The following EXOC6B variants were observed in gnomAD, a reference collection of about 807,000 sequenced individuals.
EXOC6B encodes SEC15 homolog B.
In EXOC6B, 54 loss-of-function variants were observed where a neutral mutation model predicts 113.5. The observed-to-expected ratio is 0.48, with a 90% CI of 0.38 to 0.60. EXOC6B has a LOEUF of 0.60. Among genes scored for constraint, EXOC6B ranks in the 20% least tolerant of loss-of-function variants. The probability of loss-of-function intolerance (pLI) is 0.00; values close to 1 mark genes in which losing one functional copy is unlikely to be tolerated. For missense variants in EXOC6B, 797 were observed against 977.5 expected (o/e 0.82, Z 2.46); for synonymous variants, 357 against 339.0 (o/e 1.05, Z -0.58).
At chr2:72,654,621 CT>C (rs1483965352) in intron 6 of EXOC6B, among the ~76,000 whole-genome samples, 1 of 152,134 alleles carries the variant, frequency 6.6e-6, no homozygotes, top group Non-Finnish European at 1.5e-5. Context: ...TGCTTAGATG[CT>C]GAGCACAGAG....
intron 6 of EXOC6B, among the ~76,000 whole-genome samples, chr2:72,624,863 A>G (rs953412066): frequency 1.3e-5 from 2 of 152,152 alleles, no homozygotes; most frequent in East Asian, 3.8e-4. Flanking sequence ...TCAAACCTAT[A>G]AAAGAAGAAA....
intron 2 of EXOC6B, among the ~76,000 whole-genome samples, chr2:72,739,333 C>T (rs1681158926): frequency 6.6e-6 from 1 of 152,032 alleles, no homozygotes; most frequent in South Asian, 2.1e-4. Flanking sequence ...AATTGTAGAG[C>T]TCCTTTGTAT....
At chr2:72,443,762 G>A (rs979545954) in intron 18 of EXOC6B, among the ~76,000 whole-genome samples, 31 of 152,024 alleles carry the variant, frequency 2.0e-4, no homozygotes, top group African/African-American at 6.5e-4. Context: ...TCATTACCAC[G>A]AGAACAGTGT....
chr2:72,565,374 A>T (rs1704104724), intron 7 of EXOC6B, among the ~76,000 whole-genome samples: 1 of 149,342 alleles, frequency 6.7e-6, no homozygotes, highest in Non-Finnish European at 1.5e-5. Flanking sequence ...AAAAAAAAAA[A>T]GCTGAACACT....
chr2:72,530,145 T>C (rs1347057157), intron 8 of EXOC6B, among the ~76,000 whole-genome samples: 1 of 152,216 alleles, frequency 6.6e-6, no homozygotes, highest in East Asian at 1.9e-4. Flanking sequence ...TGGCTCTTAT[T>C]ATTCTTCCAT....
intron 18 of EXOC6B, among the ~76,000 whole-genome samples, chr2:72,428,238 C>A (rs192997404): frequency 6.6e-6 from 1 of 152,336 alleles, no homozygotes; most frequent in Non-Finnish European, 1.5e-5. Context: ...CTGAAACACA[C>A]CCCTTGTTCG....
At chr2:72,351,366 T>C (rs919235600) in intron 19 of EXOC6B, among the ~76,000 whole-genome samples, 2 of 152,178 alleles carry the variant, frequency 1.3e-5, no homozygotes, top group African/African-American at 4.8e-5. Context: ...AAATAACCAC[T>C]GAACTTCTCA....
At chr2:72,700,248 A>ACACACACACACACACACACACACC (rs1678217877) in intron 6 of EXOC6B, among the ~76,000 whole-genome samples, 1 of 150,824 alleles carries the variant, frequency 6.6e-6, no homozygotes, top group African/African-American at 2.5e-5. Context: ...ACACACACAC[A>ACACACACACACACACACACACACC]CACACACACA....
chr2:72,514,940 AACACACACACACAGACACACACAC>A, intron 9 of EXOC6B, 79 bp downstream of exon 9: 2 of 1,019,620 alleles, frequency 2.0e-6, no homozygotes, highest in Non-Finnish European at 2.8e-6. Flanking sequence ...AATGACAGTA[AACACACACACACAGACACACACAC>A]ACACACACAC....
chr2:72,443,726 A>C (rs1696378975), intron 18 of EXOC6B, among the ~76,000 whole-genome samples: 1 of 152,166 alleles, frequency 6.6e-6, no homozygotes. Context: ...CCCCTTTTTA[A>C]AAACATCATA....
intron 6 of EXOC6B, among the ~76,000 whole-genome samples, chr2:72,689,823 C>T (rs768000132): frequency 6.6e-6 from 1 of 152,088 alleles, no homozygotes; most frequent in Admixed American, 6.6e-5. Context: ...CTCAAGTGTC[C>T]CTAAGTTTTC....
intron 18 of EXOC6B, among the ~76,000 whole-genome samples, chr2:72,458,166 G>A (rs1697368041): frequency 1.3e-5 from 2 of 152,094 alleles, no homozygotes; most frequent in African/African-American, 4.8e-5. Context: ...AGCCACTTCT[G>A]TCAGGGAATT....
chr2:72,763,569 C>G (rs990368887), intron 1 of EXOC6B, among the ~76,000 whole-genome samples: 1 of 151,652 alleles, frequency 6.6e-6, no homozygotes, highest in Non-Finnish European at 1.5e-5. Context: ...ACTACAGGTG[C>G]GTGCCACCAC....
At chr2:72,746,310 C>T (rs1681691174) in intron 1 of EXOC6B, among the ~76,000 whole-genome samples, 1 of 151,884 alleles carries the variant, frequency 6.6e-6, no homozygotes, top group South Asian at 2.1e-4. Flanking sequence ...AAAAGGCAAA[C>T]AAGAAGAAAT....
intron 6 of EXOC6B, among the ~76,000 whole-genome samples, chr2:72,628,705 A>ATT: frequency 6.6e-6 from 1 of 152,094 alleles, no homozygotes; most frequent in Non-Finnish European, 1.5e-5. Context: ...TCTGCAACCC[A>ATT]GAAGAGGGCC....
At chr2:72,703,714 GCTCT>G (rs1678614835) in intron 6 of EXOC6B, among the ~76,000 whole-genome samples, 1 of 80,088 alleles carries the variant, frequency 1.2e-5, no homozygotes, top group African/African-American at 5.1e-5. Context: ...TCATGATTTG[GCTCT>G]CTGTTTGTCT....
intron 6 of EXOC6B, among the ~76,000 whole-genome samples, chr2:72,581,769 C>T (rs1705239083): frequency 6.6e-6 from 1 of 152,100 alleles, no homozygotes; most frequent in Non-Finnish European, 1.5e-5. Flanking sequence ...ACTTGGTGGC[C>T]CCCCACTGGA....
At chr2:72,704,831 A>C (rs950058082) in intron 6 of EXOC6B, among the ~76,000 whole-genome samples, 32 of 151,036 alleles carry the variant, frequency 2.1e-4, no homozygotes, top group Non-Finnish European at 3.9e-4. Context: ...TTGTGGCAAT[A>C]ATCAATAGCT....
intron 17 of EXOC6B, among the ~76,000 whole-genome samples, chr2:72,472,864 T>G (rs1698495667): frequency 6.6e-6 from 1 of 152,196 alleles, no homozygotes; most frequent in South Asian, 2.1e-4. Flanking sequence ...TCCCACAGGT[T>G]GTGATATGTT....
Sources: gnomAD v4.1 joint callset for allele counts (sites outside exome capture counted in the v4.1 genomes callset) on GRCh38, gnomAD v4.1.1 for gene constraint, MANE v1.5 for transcripts, NCBI Gene and HGNC (gene_info 2026-07-23, HGNC 2026-07-21) for gene names.